Variants in TSPAN5 observed in about 807,000 individuals in gnomAD.
TSPAN5 encodes the protein tetraspanin-5.
TSPAN5 carries 10 observed loss-of-function variants against 37.1 expected under a neutral mutation model. That is an observed-to-expected ratio of 0.27 (90% CI 0.17 to 0.46). TSPAN5 has a LOEUF of 0.46. Among genes scored for constraint, TSPAN5 ranks in the 20% least tolerant of loss-of-function variants. The probability of loss-of-function intolerance (pLI) is 1.00; values close to 1 mark genes in which losing one functional copy is unlikely to be tolerated. For missense variants in TSPAN5, 195 were observed against 326.6 expected (o/e 0.60, Z 3.11); for synonymous variants, 110 against 118.9 (o/e 0.93, Z 0.48).
chr4:98,491,498 G>A (rs1753084431), intron 2 of TSPAN5, among the ~76,000 whole-genome samples: 1 of 152,122 alleles, frequency 6.6e-6, no homozygotes, highest in African/African-American at 2.4e-5. Context: ...GACCATCCTG[G>A]CCAACACAGT....
intron 1 of TSPAN5, among the ~76,000 whole-genome samples, chr4:98,550,138 T>C (rs1245620770): frequency 1.3e-5 from 2 of 152,176 alleles, no homozygotes; most frequent in Non-Finnish European, 2.9e-5. Context: ...ATTTATTGAA[T>C]AGGGTGTCAT....
chr4:98,505,783 A>T (rs1429553656), intron 2 of TSPAN5, among the ~76,000 whole-genome samples: 1 of 152,174 alleles, frequency 6.6e-6, no homozygotes, highest in Non-Finnish European at 1.5e-5. Context: ...TGCACGGCTA[A>T]CACCCGCTTC....
chr4:98,535,145 G>A (rs187048988), intron 1 of TSPAN5, among the ~76,000 whole-genome samples: 2 of 152,272 alleles, frequency 1.3e-5, no homozygotes, highest in Non-Finnish European at 2.9e-5. Context: ...TTTACAATTT[G>A]GTATGTTTTT....
intron 1 of TSPAN5, among the ~76,000 whole-genome samples, chr4:98,581,949 C>T (rs1451083597): frequency 6.6e-6 from 1 of 152,100 alleles, no homozygotes; most frequent in Admixed American, 6.6e-5. Context: ...GCAGATGCCC[C>T]CGAATGTGTT....
chr4:98,530,915 A>G (rs534424232), intron 1 of TSPAN5, among the ~76,000 whole-genome samples: 1 of 152,014 alleles, frequency 6.6e-6, no homozygotes, highest in South Asian at 2.1e-4. Flanking sequence ...CTAAATGTTA[A>G]AATTTTTTTA....
intron 1 of TSPAN5, among the ~76,000 whole-genome samples, chr4:98,604,591 T>C (rs1319635402): frequency 2.0e-5 from 3 of 152,242 alleles, no homozygotes; most frequent in African/African-American, 7.2e-5. Context: ...GGATTTATAC[T>C]TGAATACTAT....
intron 1 of TSPAN5, among the ~76,000 whole-genome samples, chr4:98,622,504 T>C (rs1461937344): frequency 6.6e-6 from 1 of 152,184 alleles, no homozygotes; most frequent in Admixed American, 6.5e-5. Context: ...CTTTCCACAG[T>C]GGTTGCGCCA....
intron 1 of TSPAN5, among the ~76,000 whole-genome samples, chr4:98,534,058 GC>G (rs1754175380): frequency 6.7e-6 from 1 of 149,328 alleles, no homozygotes; most frequent in African/African-American, 2.5e-5. Flanking sequence ...TCTTCTGCTA[GC>G]TTTTGAATTT....
chr4:98,529,709 A>G (rs377547838), intron 1 of TSPAN5, among the ~76,000 whole-genome samples: 1 of 152,202 alleles, frequency 6.6e-6, no homozygotes, highest in African/African-American at 2.4e-5. Flanking sequence ...TTGGCAATAC[A>G]GTTTCTCCTC....
At chr4:98,506,440 A>G (rs571457214) in intron 2 of TSPAN5, among the ~76,000 whole-genome samples, 2 of 152,364 alleles carry the variant, frequency 1.3e-5, no homozygotes, top group South Asian at 4.1e-4. Flanking sequence ...TTTGTTTTCC[A>G]TAAAACATTT....
intron 1 of TSPAN5, among the ~76,000 whole-genome samples, chr4:98,624,080 A>C (rs1235948752): frequency 1.3e-5 from 2 of 152,150 alleles, no homozygotes; most frequent in Non-Finnish European, 2.9e-5. Flanking sequence ...AAAGTAATAA[A>C]ATCATTGCAT....
At chr4:98,607,044 G>A (rs72908119) in intron 1 of TSPAN5, among the ~76,000 whole-genome samples, 151 of 152,190 alleles carry the variant, frequency 9.9e-4, no homozygotes, top group African/African-American at 3.4e-3. Flanking sequence ...AGCAGCCGGG[G>A]GACCTGCCAT....
intron 1 of TSPAN5, among the ~76,000 whole-genome samples, chr4:98,535,759 CT>C (rs1320291415): frequency 6.6e-6 from 1 of 152,060 alleles, no homozygotes; most frequent in African/African-American, 2.4e-5. Context: ...CTAATCTTGT[CT>C]TCTTTCTTTA....
rs149722185 is a variant in TSPAN5 at position 98,589,651 on chromosome 4, A to G, written c.81+68495T>C. On this transcript the variant is annotated intron_variant, in intron 1 of 7. Transcript: ENST00000305798. ...CGGAACTGGCACGCCAGCTACGCGCAGACTACCAGAATTAGGTTCAAAACA... is the reference window on the plus strand; with the variant it reads ...CGGAACTGGCACGCCAGCTACGCGCGGACTACCAGAATTAGGTTCAAAACA... 3.3e-4 allele frequency among the ~76,000 whole-genome samples: 50 copies of G among 152,352 alleles called. 1 individual carries two copies. The highest frequency in any genetic ancestry group is 1.1e-3 in the African/African-American group (47 of 41,594).
At chr4:98,608,018 T>A (rs1756081222) in intron 1 of TSPAN5, among the ~76,000 whole-genome samples, 1 of 152,154 alleles carries the variant, frequency 6.6e-6, no homozygotes, top group Non-Finnish European at 1.5e-5. Flanking sequence ...GCCATGAAAT[T>A]TATATATACT....
At chr4:98,601,808 C>T (rs1755889225) in intron 1 of TSPAN5, among the ~76,000 whole-genome samples, 1 of 152,214 alleles carries the variant, frequency 6.6e-6, no homozygotes, top group Non-Finnish European at 1.5e-5. Flanking sequence ...TCTCACCATG[C>T]CTTCCTCACT....
chr4:98,556,284 C>CCAGAGACT (rs1012231665), intron 1 of TSPAN5, among the ~76,000 whole-genome samples: 1 of 152,114 alleles, frequency 6.6e-6, no homozygotes, highest in African/African-American at 2.4e-5. Context: ...CAGGAAGCTC[C>CCAGAGACT]CAGAGACTCC....
At chr4:98,621,051 T>C (rs972762474) in intron 1 of TSPAN5, among the ~76,000 whole-genome samples, 3 of 152,166 alleles carry the variant, frequency 2.0e-5, no homozygotes, top group Non-Finnish European at 4.4e-5. Context: ...TAATCCAGTA[T>C]GACTGTGTCC....
intron 1 of TSPAN5, among the ~76,000 whole-genome samples, chr4:98,591,019 A>T (rs1755619958): frequency 6.6e-6 from 1 of 151,820 alleles, no homozygotes; most frequent in Non-Finnish European, 1.5e-5. Flanking sequence ...TCCCAGTCAT[A>T]GCCCAATAGA....
Sources: gnomAD v4.1 joint callset for allele counts (sites outside exome capture counted in the v4.1 genomes callset) on GRCh38, gnomAD v4.1.1 for gene constraint, MANE v1.5 for transcripts, NCBI Gene and HGNC (gene_info 2026-07-23, HGNC 2026-07-21) for gene names.